Variants in ZNF362 observed in about 807,000 individuals in gnomAD.
ZNF362 encodes zinc finger protein 362.
Under a neutral mutation model 42.9 loss-of-function variants are expected in ZNF362, and 11 were observed. That is an observed-to-expected ratio of 0.26 (90% CI 0.16 to 0.42). The LOEUF (loss-of-function observed/expected upper bound fraction) is 0.42, where lower values mean the gene tolerates loss of function less well. Ranked by LOEUF, ZNF362 falls within the 20% of genes least tolerant of loss-of-function variation. The pLI is 1.00. For synonymous variants in ZNF362, 255 were observed against 257.3 expected, an observed-to-expected ratio of 0.99 and a Z score of 0.09; for missense variants, 362 against 576.2, an observed-to-expected ratio of 0.63 and a Z score of 3.81.
At chr1:33,172,552 G>C in the ZNF362 span, among the ~76,000 whole-genome samples, 1 of 152,170 alleles carries the variant, frequency 6.6e-6, no homozygotes, top group Non-Finnish European at 1.5e-5. Context: ...TCGGAGCGGG[G>C]GTGGGCCGGG....
chr1:33,195,290 A>G, the ZNF362 span: 2 of 152,374 alleles, frequency 1.3e-5, no homozygotes, highest in South Asian at 4.1e-4. Context: ...GGTGGACTTT[A>G]GCAAGAAAAA....
At chr1:33,139,936 T>C in the ZNF362 span, among the ~76,000 whole-genome samples, 2 of 152,194 alleles carry the variant, frequency 1.3e-5, no homozygotes, top group Admixed American at 6.5e-5. Context: ...CACCATCAGC[T>C]ACTCTTCCGG....
At chr1:33,162,018 T>G in the ZNF362 span, among the ~76,000 whole-genome samples, 51 of 152,120 alleles carry the variant, frequency 3.4e-4, no homozygotes, top group African/African-American at 1.0e-3. Flanking sequence ...GCCACACCCA[T>G]TTTTCCAACA....
the ZNF362 span, among the ~76,000 whole-genome samples, chr1:33,171,379 G>A: frequency 2.6e-5 from 4 of 152,126 alleles, no homozygotes; most frequent in Non-Finnish European, 4.4e-5. Context: ...TCTTTATTGC[G>A]TCCATCTCAC....
the ZNF362 span, among the ~76,000 whole-genome samples, chr1:33,218,974 CACACACA>C: frequency 8.9e-6 from 1 of 111,984 alleles, no homozygotes; most frequent in African/African-American, 3.2e-5. Flanking sequence ...CACACACACA[CACACACA>C]TACACCACCC....
the ZNF362 span, among the ~76,000 whole-genome samples, chr1:33,224,476 A>G: frequency 6.6e-6 from 1 of 152,224 alleles, no homozygotes; most frequent in Admixed American, 6.5e-5. Flanking sequence ...ATTTAAATGT[A>G]TCCACTGTGT....
the ZNF362 span, among the ~76,000 whole-genome samples, chr1:33,131,779 A>G: frequency 6.6e-6 from 1 of 152,188 alleles, no homozygotes; most frequent in African/African-American, 2.4e-5. Context: ...TCTATTAAAT[A>G]TACCTCACAT....
At position 33,281,551 on chromosome 1, in the gene ZNF362, G is replaced by A. The variant is rs764432355; in HGVS notation, c.684-36G>A. On this transcript the variant is annotated intron_variant, in intron 5 of 8. Coordinates refer to ENST00000539719, the MANE Select transcript of ZNF362 (RefSeq NM_152493.3). The surrounding 1 kb of genome is among the most constrained non-coding windows in gnomAD (Gnocchi z 4.8). ...CCTCCCCTGAGATGGACAGTCTGGG[G>A]GATCTTCCCACGTGAACCTGTCTCT... is the stretch of plus-strand genomic sequence containing the variant. 3.1e-6 allele frequency: 5 copies of A among 1,607,286 alleles called. No homozygotes were observed. The South Asian group carries it at 4.4e-5, about 14-fold the overall frequency.
chr1:33,193,979 AC>A, the ZNF362 span, among the ~76,000 whole-genome samples: 1 of 152,224 alleles, frequency 6.6e-6, no homozygotes, highest in Non-Finnish European at 1.5e-5. Flanking sequence ...GGATTATAGA[AC>A]AACCTGAGAA....
the ZNF362 span, among the ~76,000 whole-genome samples, chr1:33,207,428 T>C: frequency 1.3e-5 from 2 of 152,240 alleles, no homozygotes; most frequent in African/African-American, 4.8e-5. Flanking sequence ...CATGTGTCTT[T>C]ATAGCAGCAT....
chr1:33,261,963 G>A (rs1052406697), intron 1 of ZNF362, among the ~76,000 whole-genome samples: 1 of 152,206 alleles, frequency 6.6e-6, no homozygotes, highest in African/African-American at 2.4e-5. Flanking sequence ...TACAATGGGG[G>A]CAACATTTTT....
At chr1:33,256,483 G>A, upstream of ZNF362, 1 of 168,574 alleles carries the variant, frequency 5.9e-6, no homozygotes, top group Non-Finnish European at 1.2e-5. Context: ...CTCGGCGCTT[G>A]CAGAACCCAG....
At chr1:33,262,006 A>G (rs1361987409) in intron 1 of ZNF362, among the ~76,000 whole-genome samples, 2 of 151,700 alleles carry the variant, frequency 1.3e-5, no homozygotes, top group Non-Finnish European at 2.9e-5. Flanking sequence ...ACTTGGGGGG[A>G]GATTGAGGAA....
intron 6 of ZNF362, among the ~76,000 whole-genome samples, chr1:33,285,267 A>T (rs1039567401): frequency 3.3e-5 from 5 of 152,124 alleles, no homozygotes; most frequent in Non-Finnish European, 7.4e-5. Flanking sequence ...TACAAAAATT[A>T]GCCGAGTGTG....
At chr1:33,173,278 C>G in the ZNF362 span, among the ~76,000 whole-genome samples, 1 of 152,224 alleles carries the variant, frequency 6.6e-6, no homozygotes, top group Non-Finnish European at 1.5e-5. Flanking sequence ...TCCCCTGGCA[C>G]ACTGCCCCAC....
the ZNF362 span, among the ~76,000 whole-genome samples, chr1:33,216,573 G>A: frequency 7.8e-5 from 9 of 116,062 alleles, no homozygotes; most frequent in East Asian, 2.7e-4. Context: ...GCACTCCAGC[G>A]TGGGCCACAG....
chr1:33,228,952 C>G, the ZNF362 span, among the ~76,000 whole-genome samples: 1 of 152,106 alleles, frequency 6.6e-6, no homozygotes, highest in East Asian at 1.9e-4. Context: ...TGCAGCCACC[C>G]CAGCCTTCCT....
the ZNF362 span, among the ~76,000 whole-genome samples, chr1:33,229,467 C>T: frequency 2.7e-5 from 4 of 147,920 alleles, no homozygotes; most frequent in Admixed American, 1.4e-4. Context: ...AGTGTAGTGG[C>T]ATGATCTCAG....
the ZNF362 span, among the ~76,000 whole-genome samples, chr1:33,238,066 C>T: frequency 6.6e-6 from 1 of 152,112 alleles, no homozygotes; most frequent in African/African-American, 2.4e-5. Flanking sequence ...CGCCTGTAAT[C>T]CCAGCACCTT....
Sources: gnomAD v4.1 joint callset for allele counts (sites outside exome capture counted in the v4.1 genomes callset) on GRCh38, gnomAD v4.1.1 for gene constraint, Gnocchi (gnomAD v3.1) non-coding constraint, MANE v1.5 for transcripts, NCBI Gene and HGNC (gene_info 2026-07-23, HGNC 2026-07-21) for gene names.